The following PCOLCE2 variants were observed in gnomAD, a reference collection of about 807,000 sequenced individuals.
PCOLCE2 encodes the protein procollagen C-endopeptidase enhancer 2.
In PCOLCE2, 42 loss-of-function variants were observed where a neutral mutation model predicts 47.0. The ratio of observed to expected loss-of-function variants is 0.89; its 90% CI spans 0.70 to 1.16. The LOEUF (loss-of-function observed/expected upper bound fraction) is 1.16, where lower values mean the gene tolerates loss of function less well. Ranked by LOEUF, PCOLCE2 falls within the 50% of genes most tolerant of loss-of-function variation. The probability of loss-of-function intolerance (pLI) is 0.00; values close to 1 mark genes in which losing one functional copy is unlikely to be tolerated. For synonymous variants in PCOLCE2, 169 were observed against 191.7 expected (o/e 0.88, Z 0.98); for missense variants, 500 against 526.1 (o/e 0.95, Z 0.49).
chr3:142,828,830 AG>A (rs1937113491), intron 6 of PCOLCE2, among the ~76,000 whole-genome samples: 1 of 152,204 alleles, frequency 6.6e-6, no homozygotes, highest in South Asian at 2.1e-4. Flanking sequence ...TACTGAGCTG[AG>A]CTGGAGAAAT....
chr3:142,848,239 G>A lies in PCOLCE2; in HGVS notation c.426C>T (p.Ser142=), dbSNP rs138336537. The change falls in exon 3 of 9, where the codon TCC becomes TCT. Residue 142 remains serine, a synonymous_variant. Transcript: ENST00000295992. ...TAGNGFMAMF[S]AAEPNERGDQ... Reference sequence around the variant, plus strand: ...TACCTCTTTCGTTTGGTTCAGCAGCGGAGAACATGGCCATGAAGCCATTGC... The same window carrying A: ...TACCTCTTTCGTTTGGTTCAGCAGCAGAGAACATGGCCATGAAGCCATTGC... 4.6e-5 allele frequency: 75 copies of A among 1,614,128 alleles called. No homozygotes were observed. The highest frequency in any genetic ancestry group is 8.0e-5 in the African/African-American group (6 of 75,054).
At position 142,838,769 on chromosome 3, in the gene PCOLCE2, C is replaced by T. The variant is rs370070915; in HGVS notation, c.710+1G>A. 1.3e-5 allele frequency: 21 copies of T among 1,612,996 alleles called. No homozygotes were observed. In the African/African-American group the frequency reaches 1.3e-4, roughly 10 times the overall value. ...TAAAGACATAAATAGGTGCTACTTACGCAGGTGGACTATCACCACAATACT... is the reference window on the plus strand; with the variant it reads ...TAAAGACATAAATAGGTGCTACTTATGCAGGTGGACTATCACCACAATACT... On this transcript the variant is annotated splice_donor_variant, in intron 5 of 8. Transcript: ENST00000295992. LOFTEE classifies it high-confidence loss of function.
chr3:142,869,098 T>C (rs2108207085), intron 2 of PCOLCE2, among the ~76,000 whole-genome samples: 2 of 152,046 alleles, frequency 1.3e-5, no homozygotes, highest in South Asian at 4.2e-4. Flanking sequence ...GAGACCATAC[T>C]GGCTAACACG....
Position 142,887,762 on chromosome 3 carries a change from A to G in PCOLCE2, c.99T>C (p.Cys33=). ...QQSPERPVFT[C]GGILTGESGF... Reference sequence around the variant, plus strand: ...CAGACTCTCCAGTAAGAATGCCACCACATGTGAAAACAGGTCTGGGAACAT... The same window carrying G: ...CAGACTCTCCAGTAAGAATGCCACCGCATGTGAAAACAGGTCTGGGAACAT... Residue 33 remains cysteine, a synonymous_variant, in exon 2 of 9, where the codon TGT becomes TGC. Transcript: ENST00000295992. 1 of 1,588,476 alleles carries G rather than the reference A, an allele frequency of 6.3e-7. No homozygotes were observed. Among genetic ancestry groups the G allele is most frequent in the Non-Finnish European group, 8.6e-7 (1 of 1,156,820 alleles).
chr3:142,859,178 T>C (rs1048617577), intron 2 of PCOLCE2, among the ~76,000 whole-genome samples: 1 of 151,996 alleles, frequency 6.6e-6, no homozygotes, highest in Non-Finnish European at 1.5e-5. Flanking sequence ...TTCTCCTGCC[T>C]CAGCCTCCCA....
rs181734495 is a variant in PCOLCE2, at chr3:142,852,733, A to G, written c.193-4261T>C. On this transcript the variant is annotated intron_variant, in intron 2 of 8. Transcript: ENST00000295992. ...TATACACACATAAGTATTTATGTAT[A>G]TGTGTATATAATATATATTTTAATA... Among the ~76,000 whole-genome samples, 8 of 148,102 alleles carry G rather than the reference A, an allele frequency of 5.4e-5. No individual in the cohort carries two copies. In the East Asian group the frequency reaches 7.8e-4, roughly 14 times the overall value.
intron 5 of PCOLCE2, among the ~76,000 whole-genome samples, chr3:142,838,306 C>A (rs1364908145): frequency 1.3e-5 from 2 of 152,070 alleles, no homozygotes; most frequent in African/African-American, 4.8e-5. Context: ...AATATAATCC[C>A]CAATGTTGAG....
In PCOLCE2 at chr3:142,838,797, C is replaced by G. The variant is rs1407092951; in HGVS notation, c.683G>C (p.Gly228Ala). Residue 228 changes from glycine (G) to alanine (A), a missense_variant, in exon 5 of 9, where the codon GGA (glycine) becomes GCA (alanine). Transcript: ENST00000295992. ...AGGTGGACTATCACCACAATACTTT[C>G]CAATTCTTCTAGCATCGTTGACTTC... ...GGEVNDARRIGKYCGDSPPAP... is the reference protein window; with the variant it reads ...GGEVNDARRIAKYCGDSPPAP... 3.7e-6 allele frequency: 6 copies of G among 1,613,876 alleles called. 1 individual carries two copies. In the Admixed American group the frequency reaches 1.0e-4, roughly 27 times the overall value.
chr3:142,827,631 C>A, intron 6 of PCOLCE2: 1 of 1,469,748 alleles, frequency 6.8e-7, no homozygotes, highest in Non-Finnish European at 9.5e-7. Flanking sequence ...TGAATGCCCT[C>A]GGCAGCAATG....
At chr3:142,853,924 G>A (rs952732156) in intron 2 of PCOLCE2, among the ~76,000 whole-genome samples, 1 of 152,220 alleles carries the variant, frequency 6.6e-6, no homozygotes, top group Non-Finnish European at 1.5e-5. Flanking sequence ...AGCTTCCACA[G>A]TGACCTCAAC....
chr3:142,834,246 TCTC>T (rs1251979862), intron 5 of PCOLCE2, among the ~76,000 whole-genome samples: 2 of 152,182 alleles, frequency 1.3e-5, no homozygotes, highest in East Asian at 1.9e-4. Flanking sequence ...GCCAGGTTCT[TCTC>T]CTTCAGAACT....
intron 2 of PCOLCE2, among the ~76,000 whole-genome samples, chr3:142,880,465 T>C (rs1282144516): frequency 6.6e-6 from 1 of 152,222 alleles, no homozygotes; most frequent in Non-Finnish European, 1.5e-5. Flanking sequence ...CCTGCCTAAA[T>C]TCACTATTTG....
Position 142,821,706 on chromosome 3 carries a change from T to TA in PCOLCE2, c.950-662dup, listed in dbSNP as rs1040914622. Reference sequence around the variant, plus strand: ...TATTAACTTAAACTTTTTTTTTTCTTAAAAAAAAACCTCTAGTAAAATTCA... The same window carrying TA: ...TATTAACTTAAACTTTTTTTTTTCTTAAAAAAAAAACCTCTAGTAAAATTCA... On this transcript the variant is annotated intron_variant, in intron 7 of 8. Coordinates refer to ENST00000295992, the MANE Select transcript of PCOLCE2 (RefSeq NM_013363.4). Among the ~76,000 whole-genome samples, 18 of 151,218 alleles carry TA rather than the reference T, an allele frequency of 1.2e-4. No individual in the cohort carries two copies. In the South Asian group the frequency reaches 1.3e-3, roughly 11 times the overall value.
intron 2 of PCOLCE2, among the ~76,000 whole-genome samples, chr3:142,878,937 T>C (rs1933553346): frequency 6.6e-6 from 1 of 152,074 alleles, no homozygotes; most frequent in African/African-American, 2.4e-5. Flanking sequence ...AACCAATAAA[T>C]GAGACTGTTC....
chr3:142,880,426 G>A (rs1933591220), intron 2 of PCOLCE2, among the ~76,000 whole-genome samples: 2 of 152,076 alleles, frequency 1.3e-5, no homozygotes, highest in African/African-American at 4.8e-5. Context: ...ATACCCTTAG[G>A]TATAATTAAG....
At chr3:142,881,653 C>T (rs898338495) in intron 2 of PCOLCE2, among the ~76,000 whole-genome samples, 1 of 152,012 alleles carries the variant, frequency 6.6e-6, no homozygotes, top group African/African-American at 2.4e-5. Flanking sequence ...AAATGTAAAA[C>T]AATGGTAAAT....
rs1414737236 is a variant in PCOLCE2 at position 142,842,212 on chromosome 3, A to G, written c.573+712T>C. Among the ~76,000 whole-genome samples the G allele has an allele frequency of 1.3e-5, 2 of 152,170 alleles. No homozygotes were observed. The highest frequency in any genetic ancestry group is 2.9e-5 in the Non-Finnish European group (2 of 68,034). ...CACACTTTTTTATTTAGTCACTAGA[A>G]TAACTATTATCAGGACATGATGGGT... is the stretch of plus-strand genomic sequence containing the variant. On this transcript the variant is annotated intron_variant, in intron 4 of 8. Coordinates refer to ENST00000295992, the MANE Select transcript of PCOLCE2 (RefSeq NM_013363.4). The surrounding 1 kb of genome is among the most constrained non-coding windows in gnomAD (Gnocchi z 4.1).
In PCOLCE2 at chr3:142,842,411, G is replaced by A. The variant is rs1426630629; in HGVS notation, c.573+513C>T. The stretch of plus-strand genomic sequence containing the variant: ...TTTGAAAATTGTCATTATATAGCAG[G>A]AAATTAAATCCATGAATTTGCAACT... On this transcript the variant is annotated intron_variant, in intron 4 of 8. Coordinates refer to ENST00000295992, the MANE Select transcript of PCOLCE2 (RefSeq NM_013363.4). This position sits in a 1 kb window ranked among gnomAD's most constrained non-coding sequence, Gnocchi z 4.1. 6.6e-6 allele frequency among the ~76,000 whole-genome samples: 1 copy of A among 152,032 alleles called. No individual in the cohort carries two copies. The highest frequency in any genetic ancestry group is 2.4e-5 in the African/African-American group (1 of 41,372).
intron 2 of PCOLCE2, among the ~76,000 whole-genome samples, chr3:142,856,350 C>T (rs866691928): frequency 6.6e-6 from 1 of 152,198 alleles, no homozygotes; most frequent in Non-Finnish European, 1.5e-5. Flanking sequence ...ACCGCTGAGT[C>T]CTTTACCTGT....
Sources: gnomAD v4.1 joint callset for allele counts (sites outside exome capture counted in the v4.1 genomes callset) on GRCh38, gnomAD v4.1.1 for gene constraint, Gnocchi (gnomAD v3.1) non-coding constraint, MANE v1.5 for transcripts, NCBI Gene and HGNC (gene_info 2026-07-23, HGNC 2026-07-21) for gene names.